The following TMEM117 variants were observed in gnomAD, a reference collection of about 807,000 sequenced individuals.
The protein encoded by TMEM117 is transmembrane protein 117.
TMEM117 carries 27 observed loss-of-function variants against 52.4 expected under a neutral mutation model. The observed-to-expected ratio is 0.51, with a 90% CI of 0.38 to 0.71. TMEM117 has a LOEUF of 0.71. Ranked by LOEUF, TMEM117 falls within the 30% of genes least tolerant of loss-of-function variation. The probability of loss-of-function intolerance (pLI) is 0.00; values close to 1 mark genes in which losing one functional copy is unlikely to be tolerated. For synonymous variants in TMEM117, 215 were observed against 206.3 expected (o/e 1.04, Z -0.36); for missense variants, 556 against 630.5 (o/e 0.88, Z 1.26).
At chr12:44,312,729 G>A (rs927789366) in intron 6 of TMEM117, among the ~76,000 whole-genome samples, 15 of 152,048 alleles carry the variant, frequency 9.9e-5, no homozygotes, top group Admixed American at 2.0e-4. Context: ...CATTCCTACC[G>A]TCAGTACATA....
chr12:44,286,145 A>T (rs1393668440), intron 5 of TMEM117, among the ~76,000 whole-genome samples: 1 of 152,042 alleles, frequency 6.6e-6, no homozygotes, highest in African/African-American at 2.4e-5. Flanking sequence ...GCATTCCAAC[A>T]TTTTAACATT....
intron 5 of TMEM117, among the ~76,000 whole-genome samples, chr12:44,296,481 G>C (rs541420369): frequency 6.6e-6 from 1 of 152,314 alleles, no homozygotes; most frequent in South Asian, 2.1e-4. Flanking sequence ...TGGGTCACAG[G>C]TCTACTTCAG....
At chr12:44,328,543 A>G (rs1173427225) in intron 6 of TMEM117, among the ~76,000 whole-genome samples, 1 of 152,210 alleles carries the variant, frequency 6.6e-6, no homozygotes, top group African/African-American at 2.4e-5. Flanking sequence ...GTCACGGATC[A>G]GCCACAGCAG....
intron 5 of TMEM117, among the ~76,000 whole-genome samples, chr12:44,219,826 AT>A (rs970517743): frequency 2.0e-5 from 3 of 152,304 alleles, no homozygotes; most frequent in South Asian, 2.1e-4. Flanking sequence ...GGGAGATAAC[AT>A]TCCAGCATTG....
chr12:43,847,090 T>G (rs191395726), intron 2 of TMEM117, among the ~76,000 whole-genome samples: 17 of 152,248 alleles, frequency 1.1e-4, no homozygotes, highest in African/African-American at 3.9e-4. Flanking sequence ...AATTTTGTTG[T>G]TGGTGGTGGG....
intron 3 of TMEM117, among the ~76,000 whole-genome samples, chr12:44,107,139 A>C (rs2138093986): frequency 6.6e-6 from 1 of 152,192 alleles, no homozygotes; most frequent in South Asian, 2.1e-4. Flanking sequence ...TATCTCACTT[A>C]GTTCTCAAAA....
chr12:43,922,403 ATAGGTAAATG>A (rs1944710213), intron 2 of TMEM117, among the ~76,000 whole-genome samples: 1 of 152,240 alleles, frequency 6.6e-6, no homozygotes, highest in Non-Finnish European at 1.5e-5. Flanking sequence ...AAATTAACAT[ATAGGTAAATG>A]TAGCCCTTAT....
intron 2 of TMEM117, among the ~76,000 whole-genome samples, chr12:43,880,837 A>T (rs1943883079): frequency 6.6e-6 from 1 of 152,266 alleles, no homozygotes; most frequent in South Asian, 2.1e-4. Flanking sequence ...TGGCCTAATA[A>T]GAAGTCAACC....
intron 2 of TMEM117, among the ~76,000 whole-genome samples, chr12:43,906,809 A>T (rs898916576): frequency 7.9e-5 from 12 of 152,274 alleles, no homozygotes; most frequent in Non-Finnish European, 1.8e-4. Flanking sequence ...ACGGCGCACC[A>T]GGAGATTATA....
chr12:43,954,424 A>G lies in TMEM117; in HGVS notation c.410+10082A>G, dbSNP rs558829701. ...GCTAGTGAGACTAATAAAGAAGAAGAGAAGACTCAAATAAACACAATCAGA... is the reference window on the plus strand; with the variant it reads ...GCTAGTGAGACTAATAAAGAAGAAGGGAAGACTCAAATAAACACAATCAGA... On this transcript the variant is annotated intron_variant, in intron 3 of 7. Coordinates refer to ENST00000266534, the MANE Select transcript of TMEM117 (RefSeq NM_032256.3). 7.9e-5 allele frequency among the ~76,000 whole-genome samples: 12 copies of G among 152,324 alleles called. No individual in the cohort carries two copies. In the South Asian group the frequency reaches 2.5e-3, roughly 32 times the overall value.
intron 5 of TMEM117, among the ~76,000 whole-genome samples, chr12:44,293,803 C>T (rs75303123): frequency 0.047 from 7,140 of 152,062 alleles, 345 homozygotes; most frequent in African/African-American, 0.12. Context: ...ACTTTTGTTT[C>T]TTAACTTTTA....
intron 6 of TMEM117, among the ~76,000 whole-genome samples, chr12:44,342,313 C>G (rs1032918519): frequency 2.6e-5 from 4 of 152,172 alleles, no homozygotes; most frequent in African/African-American, 9.6e-5. Flanking sequence ...AATCTGCCCT[C>G]CCTCTTTTTA....
intron 4 of TMEM117, among the ~76,000 whole-genome samples, chr12:44,161,407 T>TA (rs1345670264): frequency 6.6e-6 from 1 of 152,226 alleles, no homozygotes; most frequent in Non-Finnish European, 1.5e-5. Flanking sequence ...TACATCCTTG[T>TA]AAGTCACTTA....
chr12:43,945,427 T>A (rs1277023223), intron 3 of TMEM117, among the ~76,000 whole-genome samples: 1 of 152,026 alleles, frequency 6.6e-6, no homozygotes, highest in Non-Finnish European at 1.5e-5. Context: ...TTCCAGCAAT[T>A]CTCCTTCCTC....
downstream of TMEM117, among the ~76,000 whole-genome samples, chr12:44,394,257 G>T (rs1323763976): frequency 6.6e-6 from 1 of 152,144 alleles, no homozygotes; most frequent in Non-Finnish European, 1.5e-5. Flanking sequence ...ACAGGGTTTC[G>T]AAGAGGACCA....
chr12:44,160,633 G>A (rs1481725711), intron 4 of TMEM117, among the ~76,000 whole-genome samples: 1 of 151,758 alleles, frequency 6.6e-6, no homozygotes. Flanking sequence ...CAAGACACTG[G>A]CTCCACAAAA....
At chr12:44,012,995 C>A (rs1430351842) in intron 3 of TMEM117, among the ~76,000 whole-genome samples, 1 of 151,076 alleles carries the variant, frequency 6.6e-6, no homozygotes, top group African/African-American at 2.4e-5. Context: ...GATTAGGTAT[C>A]ACACTTTTTT....
chr12:43,912,044 A>G lies in TMEM117; in HGVS notation c.278-32166A>G, dbSNP rs976706669. ...ATCATGCTGCTATAAAGACACATGC[A>G]CACGTATGTTTATTGTGGCACTATT... On this transcript the variant is annotated intron_variant, in intron 2 of 7. Coordinates refer to ENST00000266534, the MANE Select transcript of TMEM117 (RefSeq NM_032256.3). Among the ~76,000 whole-genome samples, 7 of 127,210 alleles carry G rather than the reference A, an allele frequency of 5.5e-5. No individual in the cohort carries two copies. In the East Asian group the frequency reaches 1.2e-3, roughly 22 times the overall value. The allele number at this position is 127,210 out of a possible 152,430, so 83.5% of individuals were successfully genotyped here. A position where few individuals can be genotyped will look rare whatever the true frequency, so the allele number is the denominator to read the frequency against.
downstream of TMEM117, among the ~76,000 whole-genome samples, chr12:44,393,113 ATATTT>A (rs530851424): frequency 1.3e-5 from 2 of 152,312 alleles, no homozygotes; most frequent in East Asian, 3.9e-4. Context: ...ACTACTGATA[ATATTT>A]TAATTTAGTG....
Sources: allele counts gnomAD v4.1 joint callset (sites outside exome capture counted in the v4.1 genomes callset), GRCh38; gene constraint gnomAD v4.1.1; transcripts MANE v1.5; gene names NCBI Gene and HGNC (gene_info 2026-07-23, HGNC 2026-07-21).